DCLRE1C: variants seen among roughly 807,000 people sequenced by gnomAD.
The protein encoded by DCLRE1C is protein artemis.
DCLRE1C carries 47 observed loss-of-function variants against 61.4 expected under a neutral mutation model. The ratio of observed to expected loss-of-function variants is 0.77; its 90% CI spans 0.61 to 0.98. The LOEUF (loss-of-function observed/expected upper bound fraction) is 0.98. Ranked by LOEUF, DCLRE1C falls within the 50% of genes least tolerant of loss-of-function variation. The probability of loss-of-function intolerance (pLI) is 0.00; values close to 1 mark genes in which losing one functional copy is unlikely to be tolerated. For missense variants in DCLRE1C, 858 were observed against 816.0 expected, an observed-to-expected ratio of 1.05 and a Z score of -0.63; for synonymous variants, 337 against 287.6, an observed-to-expected ratio of 1.17 and a Z score of -1.74.
chr10:14,926,721 TA>T, intron 11 of DCLRE1C, 121 bp downstream of exon 11: 1 of 632,700 alleles, frequency 1.6e-6, no homozygotes, highest in Non-Finnish European at 2.7e-6. Context: ...AAAAAAAAAC[TA>T]AAAGGAAATG....
At chr10:14,949,444 C>A (rs1258539787) in intron 1 of DCLRE1C, among the ~76,000 whole-genome samples, 2 of 152,192 alleles carry the variant, frequency 1.3e-5, no homozygotes, top group Non-Finnish European at 2.9e-5. Context: ...TCTATGGGAC[C>A]CATTCACTTT....
exon 14 of DCLRE1C, chr10:14,897,826 A>G (rs2131704951): frequency 1.7e-5 from 3 of 181,792 alleles, no homozygotes; most frequent in South Asian, 1.9e-4. Flanking sequence ...CAAAAGTCCT[A>G]AGAAGAAACT....
At chr10:14,947,806 T>C (rs1328113039) in intron 2 of DCLRE1C, among the ~76,000 whole-genome samples, 1 of 152,058 alleles carries the variant, frequency 6.6e-6, no homozygotes, top group African/African-American at 2.4e-5. Context: ...ATGCCTGTAA[T>C]CCCAACACTT....
chr10:14,901,354 C>G, downstream of DCLRE1C: 2 of 1,517,868 alleles, frequency 1.3e-6, no homozygotes. Flanking sequence ...TGAACCAAAC[C>G]TAATACTAAA....
intron 13 of DCLRE1C, among the ~76,000 whole-genome samples, chr10:14,910,226 A>T (rs748634168): frequency 1.3e-5 from 2 of 152,166 alleles, no homozygotes; most frequent in African/African-American, 2.4e-5. Flanking sequence ...AATACACACG[A>T]CCCAACCTCA....
downstream of DCLRE1C, chr10:14,901,045 T>G: frequency 6.6e-7 from 1 of 1,506,054 alleles, no homozygotes; most frequent in Non-Finnish European, 8.9e-7. Context: ...TTAAACTAAA[T>G]CTCTAGGAAA....
chr10:14,923,206 C>T, intron 11 of DCLRE1C, 137 bp from the exon 12 acceptor site: 1 of 691,614 alleles, frequency 1.4e-6, no homozygotes. Context: ...ACGTGGGGAT[C>T]ACCAGGGACC....
At position 14,923,576 on chromosome 10, in the gene DCLRE1C, G is replaced by A. The variant is rs541719871; in HGVS notation, c.973-507C>T. The A allele has an allele frequency of 4.9e-3, 797 of 161,806 alleles. 4 individuals are homozygous for A. Among genetic ancestry groups the A allele is most frequent in the Non-Finnish European group, 6.4e-3 (476 of 74,040 alleles). 10.0% of individuals were successfully genotyped at this position (161,806 alleles called of 1,614,324 possible). A position where few individuals can be genotyped will look rare whatever the true frequency, so the allele number is the denominator to read the frequency against. On this transcript the variant is annotated intron_variant, in intron 11 of 13. Transcript: ENST00000378278. ...TCCCAGCTACTCAAGGCTGAGGCAG[G>A]AGGATTGCTTAAGCCCAGGGATTTG...
At chr10:14,922,706 C>A (rs910274714) in intron 12 of DCLRE1C, among the ~76,000 whole-genome samples, 1 of 152,120 alleles carries the variant, frequency 6.6e-6, no homozygotes, top group Non-Finnish European at 1.5e-5. Context: ...GAATGACTAG[C>A]TCAGAGAAGT....
chr10:14,953,298 TC>T (rs1307147469), intron 1 of DCLRE1C, among the ~76,000 whole-genome samples: 5 of 152,278 alleles, frequency 3.3e-5, no homozygotes, highest in African/African-American at 1.2e-4. Context: ...CTAACCTTAA[TC>T]CCTAAATCGG....
chr10:14,942,556 A>T (rs1379040017), intron 3 of DCLRE1C: 3 of 152,322 alleles, frequency 2.0e-5, no homozygotes, highest in Admixed American at 2.0e-4. Flanking sequence ...ATGCACATAC[A>T]CACACGCGAG....
intron 13 of DCLRE1C, among the ~76,000 whole-genome samples, chr10:14,916,238 G>T (rs1836162840): frequency 6.6e-6 from 1 of 152,146 alleles, no homozygotes. Context: ...CACTGTAGTG[G>T]TAGTCTAGAC....
At position 14,908,935 on chromosome 10, in the gene DCLRE1C, A is replaced by T; in HGVS notation, c.1552T>A (p.Ser518Thr). The T allele has an allele frequency of 4.3e-6, 7 of 1,614,170 alleles. No individual in the cohort carries two copies. Among genetic ancestry groups the T allele is most frequent in the Non-Finnish European group, 5.9e-6 (7 of 1,180,028 alleles). ...TCAGAGTCACTGAAAAGCTTTGGTGACTGAGATCCCCCTGCCACTGTGGAG... is the reference window on the plus strand; with the variant it reads ...TCAGAGTCACTGAAAAGCTTTGGTGTCTGAGATCCCCCTGCCACTGTGGAG... The part of the protein sequence containing the change: ...PSSTVAGGSQ[S>T]PKLFSDSDGE... Residue 518 changes from serine to threonine, a missense_variant, in exon 14 of 14, where the codon TCA (serine) becomes ACA (threonine). Transcript: ENST00000378278.
rs1396303214 is a variant in DCLRE1C, at chr10:14,905,579, CT to C, written c.*2828del. 6.6e-6 allele frequency among the ~76,000 whole-genome samples: 1 copy of C among 152,240 alleles called. No individual in the cohort carries two copies. Among genetic ancestry groups the C allele is most frequent in the Admixed American group, 6.5e-5 (1 of 15,282 alleles). The stretch of plus-strand genomic sequence containing the variant: ...TATTTAATCTTCGGCTTCAGGCAGA[CT>C]TTTTAAAAAACTAGTTTATACTATT... On this transcript the variant is annotated 3_prime_UTR_variant, in exon 14 of 14. Coordinates refer to ENST00000378278, the MANE Select transcript of DCLRE1C (RefSeq NM_001033855.3).
intron 13 of DCLRE1C, among the ~76,000 whole-genome samples, chr10:14,910,872 A>C (rs748901495): frequency 2.0e-5 from 3 of 152,218 alleles, no homozygotes; most frequent in Non-Finnish European, 4.4e-5. Context: ...CAATGACATG[A>C]GAAATAAGAC....
At chr10:14,909,430 G>A in intron 13 of DCLRE1C, 100 bp from the exon 14 acceptor site, 2 of 1,037,886 alleles carry the variant, frequency 1.9e-6, no homozygotes, top group South Asian at 3.0e-5. Flanking sequence ...AAAGAATAGG[G>A]AGGCCACTCT....
chr10:14,912,294 G>C lies in DCLRE1C; in HGVS notation c.1157-2964C>G, dbSNP rs570198402. Among the ~76,000 whole-genome samples the C allele has an allele frequency of 3.9e-5, 6 of 152,260 alleles. No homozygotes were observed. The South Asian group carries it at 1.2e-3, about 32-fold the overall frequency. On this transcript the variant is annotated intron_variant, in intron 13 of 13. Transcript: ENST00000378278. The stretch of plus-strand genomic sequence containing the variant: ...TGGTCTTGAACTCCTGATCTCAGGT[G>C]ATCCATCCGCCTCGGCCTCCCAAAG...
chr10:14,935,521 C>T lies in DCLRE1C; in HGVS notation c.406G>A (p.Asp136Asn), dbSNP rs1839765652. 1.2e-6 allele frequency: 2 copies of T among 1,614,124 alleles called. No individual in the cohort carries two copies. The highest frequency in any genetic ancestry group is 1.7e-6 in the Non-Finnish European group (2 of 1,180,000). Residue 136 changes from aspartate (D) to asparagine (N), a missense_variant, in exon 6 of 14, where the codon GAC (aspartate) becomes AAC (asparagine). By Grantham distance (23) the Asp-to-Asn change is conservative. This residue lies in a region of DCLRE1C where 843 missense variants were observed against 783.5 expected (regional missense o/e 1.08). Coordinates refer to ENST00000378278, the MANE Select transcript of DCLRE1C (RefSeq NM_001033855.3). ...GCTTCTCCTTGCGCCAATCTGAAGTCTCCTGTGTACAGGACAGTTCCATTA... is the reference window on the plus strand; with the variant it reads ...GCTTCTCCTTGCGCCAATCTGAAGTTTCCTGTGTACAGGACAGTTCCATTA... ...GNNGTVLYTG[D>N]FRLAQGEAAR...
intron 13 of DCLRE1C, among the ~76,000 whole-genome samples, chr10:14,909,945 A>G (rs1037763608): frequency 6.6e-6 from 1 of 152,248 alleles, no homozygotes; most frequent in East Asian, 1.9e-4. Context: ...TGTGTCAACA[A>G]ATGTTCTTAA....
Sources: allele counts gnomAD v4.1 joint callset (sites outside exome capture counted in the v4.1 genomes callset), GRCh38; gene constraint gnomAD v4.1.1; regional missense constraint gnomAD v4.1.1; transcripts MANE v1.5; gene names NCBI Gene and HGNC (gene_info 2026-07-23, HGNC 2026-07-21).